ZMIZ1: variants seen among roughly 807,000 people sequenced by gnomAD.
The protein encoded by ZMIZ1 is zinc finger MIZ-type containing 1, also known as zinc finger MIZ domain-containing protein 1.
ZMIZ1 carries 17 observed loss-of-function variants against 113.9 expected under a neutral mutation model. That is an observed-to-expected ratio of 0.15 (90% CI 0.10 to 0.22). The LOEUF (loss-of-function observed/expected upper bound fraction) is 0.22, where lower values mean the gene tolerates loss of function less well. Among genes scored for constraint, ZMIZ1 ranks in the 10% least tolerant of loss-of-function variants. The pLI is 1.00. For synonymous variants in ZMIZ1, 607 were observed against 603.1 expected (o/e 1.01, Z -0.09); for missense variants, 1,059 against 1,477.8 (o/e 0.72, Z 4.65).
intron 3 of ZMIZ1, among the ~76,000 whole-genome samples, chr10:79,153,505 G>A (rs536322677): frequency 6.6e-6 from 1 of 152,248 alleles, no homozygotes; most frequent in Non-Finnish European, 1.5e-5. Flanking sequence ...AAACGTGATC[G>A]GCAAACCTGT....
At chr10:79,151,204 ACT>A in intron 3 of ZMIZ1, among the ~76,000 whole-genome samples, 1 of 152,100 alleles carries the variant, frequency 6.6e-6, no homozygotes, top group Middle Eastern at 3.4e-3. Context: ...CACAGCTCAG[ACT>A]CTGGTGGCCT....
intron 5 of ZMIZ1, among the ~76,000 whole-genome samples, chr10:79,204,409 C>G (rs868809266): frequency 1.1e-4 from 17 of 152,344 alleles, no homozygotes; most frequent in African/African-American, 3.8e-4. Context: ...CATCCCAGCT[C>G]TACATGGAGA....
intron 1 of ZMIZ1, among the ~76,000 whole-genome samples, chr10:79,107,551 G>A (rs545919999): frequency 8.5e-5 from 13 of 152,330 alleles, no homozygotes; most frequent in Non-Finnish European, 1.8e-4. Flanking sequence ...TGTTCACCAC[G>A]AAAGAGCGTT....
intron 24 of ZMIZ1, among the ~76,000 whole-genome samples, 165 bp downstream of exon 24, chr10:79,311,349 G>A (rs1409236665): frequency 6.6e-6 from 1 of 152,176 alleles, no homozygotes; most frequent in Non-Finnish European, 1.5e-5. Context: ...GCCCCATGAT[G>A]GGGAAGTGTC....
At chr10:79,206,738 C>T (rs1483653526) in intron 5 of ZMIZ1, among the ~76,000 whole-genome samples, 1 of 152,250 alleles carries the variant, frequency 6.6e-6, no homozygotes, top group African/African-American at 2.4e-5. Context: ...ACCCCACGCG[C>T]CAGGCACTTT....
intron 22 of ZMIZ1, among the ~76,000 whole-genome samples, chr10:79,306,975 G>A (rs1184612513): frequency 6.6e-6 from 1 of 152,220 alleles, no homozygotes; most frequent in African/African-American, 2.4e-5. Context: ...CGGAACAGCT[G>A]GCTTCTGCGG....
intron 4 of ZMIZ1, among the ~76,000 whole-genome samples, chr10:79,176,644 GC>G (rs1358890032): frequency 1.3e-5 from 2 of 150,096 alleles, no homozygotes; most frequent in African/African-American, 2.4e-5. Flanking sequence ...GATAGGAGGG[GC>G]TGGCAAGGAC....
intron 4 of ZMIZ1, among the ~76,000 whole-genome samples, chr10:79,165,626 C>T (rs923865668): frequency 8.4e-5 from 11 of 130,386 alleles, no homozygotes; most frequent in Admixed American, 6.7e-4. Flanking sequence ...TCAGACTGGC[C>T]TGGGGGGCCC....
intron 7 of ZMIZ1, among the ~76,000 whole-genome samples, chr10:79,264,227 G>A (rs1049109178): frequency 1.2e-4 from 19 of 152,292 alleles, no homozygotes; most frequent in African/African-American, 4.3e-4. Flanking sequence ...ACCTCCCTGC[G>A]CAGGCTGACC....
In ZMIZ1 at chr10:79,237,265, G is replaced by T. The variant is rs577045175; in HGVS notation, c.280+20991G>T. ...GAGACTGGAGGCTGGGTCACGCGGG[G>T]GGCTCAGCCACAAGGACTTGCATTT... On this transcript the variant is annotated intron_variant, in intron 7 of 24. Transcript: ENST00000334512. Among the ~76,000 whole-genome samples the T allele has an allele frequency of 2.2e-4, 33 of 152,332 alleles. No homozygotes were observed. In the South Asian group the frequency reaches 6.6e-3, roughly 31 times the overall value.
intron 23 of ZMIZ1, among the ~76,000 whole-genome samples, chr10:79,309,579 T>C (rs1854976184): frequency 6.6e-6 from 1 of 152,174 alleles, no homozygotes; most frequent in Non-Finnish European, 1.5e-5. Flanking sequence ...TAAGGCCGCA[T>C]GGGGTTGGGG....
rs571919717 is a variant in ZMIZ1, at chr10:79,115,502, C to T, written c.-336-3413C>T. Among the ~76,000 whole-genome samples the T allele has an allele frequency of 4.6e-5, 7 of 152,180 alleles. No homozygotes were observed. In the South Asian group the frequency reaches 6.2e-4, roughly 14 times the overall value. The stretch of plus-strand genomic sequence containing the variant: ...TCATCCTATTGCTGGTAAGCATCAT[C>T]GCTGGTACAGTGGAGACCCTGAGGA... On this transcript the variant is annotated intron_variant, in intron 1 of 24. Coordinates refer to ENST00000334512, the MANE Select transcript of ZMIZ1 (RefSeq NM_020338.4).
chr10:79,087,392 C>T (rs777153339), intron 1 of ZMIZ1, among the ~76,000 whole-genome samples: 7 of 152,152 alleles, frequency 4.6e-5, no homozygotes. Context: ...GGGCTGTACC[C>T]CGTGACATTG....
intron 7 of ZMIZ1, among the ~76,000 whole-genome samples, chr10:79,272,026 T>G (rs979128436): frequency 6.6e-6 from 1 of 152,166 alleles, no homozygotes; most frequent in Non-Finnish European, 1.5e-5. Context: ...CCAAGTACTT[T>G]GGGAGGCCGA....
At chr10:79,279,852 C>T (rs1214839450) in intron 8 of ZMIZ1, among the ~76,000 whole-genome samples, 1 of 152,142 alleles carries the variant, frequency 6.6e-6, no homozygotes, top group African/African-American at 2.4e-5. Context: ...ATCCCAGGCA[C>T]TCGGCAGGCT....
At chr10:79,155,055 T>C (rs1157711947) in intron 3 of ZMIZ1, among the ~76,000 whole-genome samples, 1 of 152,218 alleles carries the variant, frequency 6.6e-6, no homozygotes, top group Admixed American at 6.5e-5. Context: ...CTGACCCAAG[T>C]TCCTAGCCCA....
At chr10:79,166,034 A>G (rs1846332813) in intron 4 of ZMIZ1, among the ~76,000 whole-genome samples, 2 of 38,106 alleles carry the variant, frequency 5.2e-5, no homozygotes, top group Non-Finnish European at 1.1e-4. Context: ...CAGTGGGTCC[A>G]TCTCTGCGTG....
chr10:79,248,788 G>A (rs1348497812), intron 7 of ZMIZ1, among the ~76,000 whole-genome samples: 2 of 152,116 alleles, frequency 1.3e-5, no homozygotes, highest in East Asian at 1.9e-4. Flanking sequence ...CTAGTCCCTC[G>A]GGGGATTCTA....
At position 79,296,669 on chromosome 10, in the gene ZMIZ1, G is replaced by A. The variant is rs377456198; in HGVS notation, c.1413+16G>A. 2.2e-5 allele frequency: 33 copies of A among 1,527,762 alleles called. No homozygotes were observed. The highest frequency in any genetic ancestry group is 2.5e-5 in the South Asian group (2 of 78,552). 94.6% of individuals were successfully genotyped at this position (1,527,762 alleles called of 1,614,324 possible). On this transcript the variant is annotated intron_variant, in intron 13 of 24. Transcript: ENST00000334512. This position sits in a 1 kb window ranked among gnomAD's most constrained non-coding sequence, Gnocchi z 4.1. ...GTATTACAAGGTGAGTCCCAGCCTC[G>A]CCACCACCCACGGGGCCCCTTCCCT...
Sources: gnomAD v4.1 joint callset for allele counts (sites outside exome capture counted in the v4.1 genomes callset) on GRCh38, gnomAD v4.1.1 for gene constraint, Gnocchi (gnomAD v3.1) non-coding constraint, MANE v1.5 for transcripts, NCBI Gene and HGNC (gene_info 2026-07-23, HGNC 2026-07-21) for gene names.